C8orf34: variants seen among roughly 807,000 people sequenced by gnomAD.
C8orf34 encodes the protein chromosome 8 open reading frame 34, also known as uncharacterized protein C8orf34.
A neutral mutation model predicts 68.3 loss-of-function variants in C8orf34; 65 were observed. The observed-to-expected ratio is 0.95, with a 90% CI of 0.78 to 1.17. The LOEUF is 1.17. Among genes scored for constraint, C8orf34 ranks in the 50% most tolerant of loss-of-function variants. The pLI, the probability that C8orf34 is intolerant of heterozygous loss-of-function variation, is 0.00. For synonymous variants in C8orf34, 244 were observed against 241.2 expected, an observed-to-expected ratio of 1.01 and a Z score of -0.11; for missense variants, 664 against 655.4, an observed-to-expected ratio of 1.01 and a Z score of -0.14.
In C8orf34 at chr8:68,345,922, C is replaced by T. The variant is rs77133745; in HGVS notation, c.327+14583C>T. On this transcript the variant is annotated intron_variant, in intron 1 of 13. Transcript: ENST00000518698. ...CTAACAAATGTATTAACTTAGAAAA[C>T]TGTACAGGCCACATTTTCTGACCAC... Among the ~76,000 whole-genome samples, 1,208 of 152,034 alleles carry T rather than the reference C, an allele frequency of 7.9e-3. 39 individuals carry two copies. In the East Asian group the frequency reaches 0.1, roughly 13 times the overall value.
At chr8:68,550,412 T>C (rs894356615) in intron 7 of C8orf34, among the ~76,000 whole-genome samples, 1 of 151,912 alleles carries the variant, frequency 6.6e-6, no homozygotes, top group Non-Finnish European at 1.5e-5. Context: ...CCTTGTATTA[T>C]TGCCATCATT....
chr8:68,362,807 A>G (rs1411189245), intron 1 of C8orf34, among the ~76,000 whole-genome samples: 3 of 149,592 alleles, frequency 2.0e-5, no homozygotes, highest in Non-Finnish European at 3.0e-5. Context: ...AACAGAACAG[A>G]AAAACTGGAA....
intron 5 of C8orf34, among the ~76,000 whole-genome samples, chr8:68,492,892 G>T (rs890546900): frequency 2.9e-4 from 44 of 152,080 alleles, no homozygotes; most frequent in African/African-American, 1.1e-3. Context: ...CCACAGAAAG[G>T]CTTTGGATTG....
intron 1 of C8orf34, among the ~76,000 whole-genome samples, chr8:68,362,429 G>A (rs1807041906): frequency 1.3e-5 from 2 of 152,216 alleles, no homozygotes; most frequent in Non-Finnish European, 2.9e-5. Context: ...GAGCCAAGAT[G>A]GCCGAATAGG....
intron 10 of C8orf34, among the ~76,000 whole-genome samples, chr8:68,728,323 A>G (rs1052384861): frequency 4.6e-5 from 7 of 152,188 alleles, no homozygotes; most frequent in Non-Finnish European, 7.3e-5. Context: ...CGCTATCAGC[A>G]TTTTGGGCAA....
In C8orf34 at chr8:68,649,036, A is replaced by G. The variant is rs144244390; in HGVS notation, c.1241+8525A>G. Among the ~76,000 whole-genome samples, 4 of 152,214 alleles carry G rather than the reference A, an allele frequency of 2.6e-5. No homozygotes were observed. In the East Asian group the frequency reaches 7.7e-4, roughly 29 times the overall value. On this transcript the variant is annotated intron_variant, in intron 8 of 13. Transcript: ENST00000518698. Reference sequence around the variant, plus strand: ...TTGTTTATGATTTTTTTTCTTAACTATTTTACACGTTTATATTCAGCAGCT... The same window carrying G: ...TTGTTTATGATTTTTTTTCTTAACTGTTTTACACGTTTATATTCAGCAGCT...
intron 8 of C8orf34, among the ~76,000 whole-genome samples, chr8:68,650,484 T>C (rs912484367): frequency 2.7e-5 from 4 of 148,550 alleles, no homozygotes; most frequent in Admixed American, 1.3e-4. Flanking sequence ...AGTCTTTTTT[T>C]TTTTTTTTTT....
chr8:68,545,695 T>G (rs1018771006), intron 7 of C8orf34, among the ~76,000 whole-genome samples: 5 of 152,250 alleles, frequency 3.3e-5, no homozygotes, highest in Admixed American at 3.3e-4. Context: ...AGAGAACATG[T>G]TATCAGCAGA....
chr8:68,390,632 C>T (rs1182199813), intron 1 of C8orf34, among the ~76,000 whole-genome samples: 1 of 152,056 alleles, frequency 6.6e-6, no homozygotes, highest in African/African-American at 2.4e-5. Context: ...TGTACATTCC[C>T]CAGGCATGGG....
intron 5 of C8orf34, among the ~76,000 whole-genome samples, chr8:68,490,389 T>A (rs990581861): frequency 1.3e-5 from 2 of 152,118 alleles, no homozygotes; most frequent in East Asian, 3.9e-4. Flanking sequence ...CTAAAGAATT[T>A]TAACTGTTCT....
intron 10 of C8orf34, among the ~76,000 whole-genome samples, chr8:68,755,904 C>CA (rs11295724): frequency 0.039 from 5,499 of 142,142 alleles, 287 homozygotes; most frequent in African/African-American, 0.12. Flanking sequence ...ACTAAAAATA[C>CA]AAAAAAAAAA....
intron 10 of C8orf34, among the ~76,000 whole-genome samples, chr8:68,769,004 T>G (rs1823264018): frequency 1.3e-5 from 2 of 152,140 alleles, no homozygotes; most frequent in African/African-American, 4.8e-5. Flanking sequence ...TGGTCTTTTT[T>G]GTCTAGATCC....
intron 1 of C8orf34, among the ~76,000 whole-genome samples, chr8:68,431,940 A>G (rs1454145132): frequency 6.6e-6 from 1 of 152,196 alleles, no homozygotes; most frequent in South Asian, 2.1e-4. Context: ...CATAGTATAC[A>G]ACAAGGCTAA....
intron 1 of C8orf34, among the ~76,000 whole-genome samples, chr8:68,347,861 G>T (rs1483713861): frequency 6.6e-6 from 1 of 151,712 alleles, no homozygotes; most frequent in East Asian, 1.9e-4. Flanking sequence ...TGGATATTAG[G>T]CCTTTGTCAG....
chr8:68,664,250 A>G (rs1231509102), intron 8 of C8orf34, among the ~76,000 whole-genome samples: 1 of 152,154 alleles, frequency 6.6e-6, no homozygotes, highest in Non-Finnish European at 1.5e-5. Context: ...GGAAGATACT[A>G]TTATCATCCT....
intron 7 of C8orf34, among the ~76,000 whole-genome samples, chr8:68,586,545 C>T (rs138137911): frequency 8.5e-5 from 13 of 152,176 alleles, no homozygotes; most frequent in Admixed American, 2.6e-4. Flanking sequence ...TAATGCAGTG[C>T]GGCTCACTGA....
chr8:68,348,214 A>G (rs1490553743), intron 1 of C8orf34, among the ~76,000 whole-genome samples: 1 of 152,042 alleles, frequency 6.6e-6, no homozygotes, highest in Non-Finnish European at 1.5e-5. Flanking sequence ...TTTGTTGAAT[A>G]GGGAGTTTTT....
At chr8:68,673,093 G>A (rs143514583) in intron 8 of C8orf34, among the ~76,000 whole-genome samples, 3 of 152,138 alleles carry the variant, frequency 2.0e-5, no homozygotes, top group African/African-American at 7.2e-5. Flanking sequence ...TGACTAAAGA[G>A]CTCTTGGGCC....
chr8:68,612,828 C>A (rs1678132405), intron 7 of C8orf34, among the ~76,000 whole-genome samples: 1 of 151,958 alleles, frequency 6.6e-6, no homozygotes, highest in Admixed American at 6.6e-5. Flanking sequence ...TGACATGGTT[C>A]TTTTTGAGAA....
Sources: gnomAD v4.1 joint callset for allele counts (sites outside exome capture counted in the v4.1 genomes callset) on GRCh38, gnomAD v4.1.1 for gene constraint, MANE v1.5 for transcripts, NCBI Gene and HGNC (gene_info 2026-07-23, HGNC 2026-07-21) for gene names.